ADAMTSL1: variants seen among roughly 807,000 people sequenced by gnomAD.
ADAMTSL1 encodes ADAMTS like 1, also known as ADAMTS-like protein 1.
ADAMTSL1 carries 126 observed loss-of-function variants against 201.8 expected under a neutral mutation model. The observed-to-expected ratio is 0.62, with a 90% CI of 0.54 to 0.72. The LOEUF is 0.72. Ranked by LOEUF, ADAMTSL1 falls within the 30% of genes least tolerant of loss-of-function variation. The pLI, the probability that ADAMTSL1 is intolerant of heterozygous loss-of-function variation, is 0.00. For missense variants in ADAMTSL1, 2,679 were observed against 2,277.8 expected, an observed-to-expected ratio of 1.18 and a Z score of -3.59; for synonymous variants, 1,121 against 903.4, an observed-to-expected ratio of 1.24 and a Z score of -4.32.
chr9:18,171,842 G>A (rs1039980959), intron 2 of ADAMTSL1, among the ~76,000 whole-genome samples: 4 of 152,004 alleles, frequency 2.6e-5, no homozygotes, highest in Admixed American at 1.3e-4. Flanking sequence ...AATCCATCTT[G>A]AGTTAATTTT....
At chr9:18,296,826 C>G (rs2132708649) in intron 2 of ADAMTSL1, among the ~76,000 whole-genome samples, 1 of 152,254 alleles carries the variant, frequency 6.6e-6, no homozygotes, top group East Asian at 1.9e-4. Context: ...CTCATTTACG[C>G]TGGAGGTCAA....
In ADAMTSL1 at chr9:18,777,292, C is replaced by T. The variant is rs753530034; in HGVS notation, c.3063C>T (p.Tyr1021=). 9 of 1,605,974 alleles carry T rather than the reference C, an allele frequency of 5.6e-6. No homozygotes were observed. The East Asian group carries it at 1.6e-4, about 28-fold the overall frequency. ...RGLAANPGSR[Y]DDLVSRLLEQ... ...TGGCCGCCAACCCGGGGAGCCGCTA[C>T]GACGACCTCGTCTCCCGGCTGCTGG... is the stretch of plus-strand genomic sequence containing the variant. The change falls in exon 19 of 29, where the codon TAC becomes TAT. Residue 1021 remains tyrosine (Y), a synonymous_variant. Coordinates refer to ENST00000380548, the MANE Select transcript of ADAMTSL1 (RefSeq NM_001040272.6).
intron 1 of ADAMTSL1, among the ~76,000 whole-genome samples, chr9:18,134,186 T>C (rs543388412): frequency 6.6e-6 from 1 of 152,224 alleles, no homozygotes; most frequent in African/African-American, 2.4e-5. Context: ...GCACTCATAG[T>C]GAAAAGAAAT....
chr9:18,108,363 C>A (rs1824855393), intron 1 of ADAMTSL1, among the ~76,000 whole-genome samples: 1 of 151,938 alleles, frequency 6.6e-6, no homozygotes, highest in Non-Finnish European at 1.5e-5. Flanking sequence ...CCATGCCCAG[C>A]TAATTTTTAA....
chr9:18,177,191 C>T (rs1412861359), intron 2 of ADAMTSL1, among the ~76,000 whole-genome samples: 1 of 152,146 alleles, frequency 6.6e-6, no homozygotes, highest in Non-Finnish European at 1.5e-5. Context: ...GACTGTTCAT[C>T]TTTATGTATT....
intron 20 of ADAMTSL1, 132 bp downstream of exon 20, chr9:18,795,656 T>C (rs1030781306): frequency 4.1e-6 from 4 of 975,346 alleles, no homozygotes; most frequent in Non-Finnish European, 6.0e-6. Flanking sequence ...TTGTAATCTA[T>C]AATTACAACA....
In ADAMTSL1 at chr9:18,132,593, A is replaced by G. The variant is rs149117698; in HGVS notation, c.88-31269A>G. Among the ~76,000 whole-genome samples the G allele has an allele frequency of 1.6e-4, 24 of 152,264 alleles. 1 individual carries two copies. The East Asian group carries it at 3.9e-3, about 25-fold the overall frequency. On this transcript the variant is annotated intron_variant, in intron 1 of 29. Coordinates refer to the ADAMTSL1 transcript ENST00000680146. ...TGTGTACTCACCAGCTCTTCATTCT[A>G]TCACTTCCAGATTGTATCACACTTC...
chr9:18,196,963 AC>A (rs1024971678), intron 2 of ADAMTSL1, among the ~76,000 whole-genome samples: 1 of 151,980 alleles, frequency 6.6e-6, no homozygotes, highest in Non-Finnish European at 1.5e-5. Context: ...TCACTCCCTC[AC>A]ACACATGCTA....
At chr9:18,811,841 T>A (rs77851169) in intron 20 of ADAMTSL1, among the ~76,000 whole-genome samples, 230 of 152,296 alleles carry the variant, frequency 1.5e-3, no homozygotes, top group African/African-American at 5.3e-3. Flanking sequence ...GATGAAATGA[T>A]TGTCTTTATA....
chr9:18,497,267 A>G (rs1397974440), intron 1 of ADAMTSL1, among the ~76,000 whole-genome samples: 2 of 152,188 alleles, frequency 1.3e-5, no homozygotes, highest in African/African-American at 4.8e-5. Context: ...CTTCAAAAAC[A>G]TGAAATAAAT....
intron 2 of ADAMTSL1, 97 bp from the exon 3 acceptor site, chr9:18,533,150 C>T: frequency 1.1e-6 from 1 of 911,326 alleles, no homozygotes; most frequent in Non-Finnish European, 1.7e-6. Context: ...AAGAGAGGCC[C>T]TTTTACTAGT....
At chr9:18,421,115 T>C (rs1818924582) in intron 2 of ADAMTSL1, among the ~76,000 whole-genome samples, 1 of 152,026 alleles carries the variant, frequency 6.6e-6, no homozygotes, top group African/African-American at 2.4e-5. Flanking sequence ...GTAAGAGAGG[T>C]CCCACATCAC....
At chr9:18,499,446 G>T (rs1389155265) in intron 1 of ADAMTSL1, among the ~76,000 whole-genome samples, 1 of 152,202 alleles carries the variant, frequency 6.6e-6, no homozygotes, top group Non-Finnish European at 1.5e-5. Flanking sequence ...GATTTATAGA[G>T]ACCTGATGTG....
At chr9:18,863,858 C>T (rs558552662) in intron 23 of ADAMTSL1, among the ~76,000 whole-genome samples, 1 of 152,294 alleles carries the variant, frequency 6.6e-6, no homozygotes, top group South Asian at 2.1e-4. Flanking sequence ...ATAAAATTTA[C>T]AGGACTGAGT....
intron 7 of ADAMTSL1, among the ~76,000 whole-genome samples, chr9:18,655,806 TAAAAAAAAAAA>T (rs56662538): frequency 0.12 from 9,717 of 81,980 alleles, 453 homozygotes; most frequent in South Asian, 0.19. Flanking sequence ...TTTGTGAGCT[TAAAAAAAAAAA>T]AAAAAAAAAA....
At position 18,588,569 on chromosome 9, in the gene ADAMTSL1, T is replaced by C. The variant is rs148310596; in HGVS notation, c.474+14303T>C. Among the ~76,000 whole-genome samples the C allele has an allele frequency of 2.8e-3, 427 of 152,206 alleles. 2 individuals carry two copies. Among genetic ancestry groups the C allele is most frequent in the Non-Finnish European group, 4.0e-3 (271 of 68,006 alleles). ...GTGGAGCATTTCCCTAATCTTTTCT[T>C]CTAGTAATTTTACAATTTCAAGTCT... On this transcript the variant is annotated intron_variant, in intron 4 of 28. Transcript: ENST00000380548.
chr9:18,834,886 G>A (rs1012459919), intron 23 of ADAMTSL1, among the ~76,000 whole-genome samples: 7 of 152,102 alleles, frequency 4.6e-5, no homozygotes, highest in Non-Finnish European at 8.8e-5. Flanking sequence ...AGACGGAATC[G>A]TTATTTTCAG....
chr9:18,839,516 C>G (rs920964227), intron 23 of ADAMTSL1, among the ~76,000 whole-genome samples: 1 of 152,084 alleles, frequency 6.6e-6, no homozygotes, highest in Non-Finnish European at 1.5e-5. Context: ...GTCTTTATAG[C>G]AGCATGATTT....
intron 16 of ADAMTSL1, among the ~76,000 whole-genome samples, chr9:18,754,185 G>C (rs963691455): frequency 2.0e-5 from 3 of 152,278 alleles, no homozygotes; most frequent in Non-Finnish European, 2.9e-5. Context: ...TTGTGATAGT[G>C]AACATATGGC....
Sources: gnomAD v4.1 joint callset for allele counts (sites outside exome capture counted in the v4.1 genomes callset) on GRCh38, gnomAD v4.1.1 for gene constraint, MANE v1.5 for transcripts, NCBI Gene and HGNC (gene_info 2026-07-23, HGNC 2026-07-21) for gene names.